Variants in GSAP observed in about 807,000 individuals in gnomAD.
GSAP encodes the protein gamma-secretase-activating protein.
A neutral mutation model predicts 131.7 loss-of-function variants in GSAP; 118 were observed. That is an observed-to-expected ratio of 0.90 (90% CI 0.77 to 1.04). The LOEUF is 1.04. GSAP is among the 50% of genes least tolerant of loss of function. The probability of loss-of-function intolerance (pLI) is 0.00; values close to 1 mark genes in which losing one functional copy is unlikely to be tolerated. For synonymous variants in GSAP, 381 were observed against 363.4 expected (o/e 1.05, Z -0.55); for missense variants, 1,019 against 1,013.2 (o/e 1.01, Z -0.08).
chr7:77,330,485 T>A, intron 19 of GSAP, 118 bp from the exon 20 acceptor site: 1 of 1,429,002 alleles, frequency 7.0e-7, no homozygotes, highest in Admixed American at 2.8e-5. Flanking sequence ...TCTGAGTGAA[T>A]ACTTTGTACA....
chr7:77,399,448 G>A (rs1563120771), intron 3 of GSAP, among the ~76,000 whole-genome samples: 1 of 152,134 alleles, frequency 6.6e-6, no homozygotes, highest in Non-Finnish European at 1.5e-5. Context: ...GAAAAGAGAA[G>A]AGTCCATGTC....
intron 12 of GSAP, among the ~76,000 whole-genome samples, chr7:77,368,248 C>T (rs1795599550): frequency 6.6e-6 from 1 of 152,128 alleles, no homozygotes; most frequent in Non-Finnish European, 1.5e-5. Flanking sequence ...CTGGATTAGT[C>T]CCAATGTGAA....
chr7:77,401,647 C>G (rs1305295251), intron 3 of GSAP, among the ~76,000 whole-genome samples: 1 of 152,114 alleles, frequency 6.6e-6, no homozygotes, highest in Non-Finnish European at 1.5e-5. Context: ...CTTAGAACAT[C>G]AGAAAGAACC....
rs1788656858 is a variant in GSAP at position 77,328,637 on chromosome 7, C to T, written c.1734G>A (p.Lys578=). 6.3e-7 allele frequency: 1 copy of T among 1,579,858 alleles called. No individual in the cohort carries two copies. Among genetic ancestry groups the T allele is most frequent in the African/African-American group, 1.3e-5 (1 of 74,106 alleles). ...YVRNILDNAV[K]VISNLEARNL... Reference sequence around the variant, plus strand: ...TTCTTGCTTCTAGGTTAGAAATCACCCTACGAAGAAATTAGCCATGTTATT... The same window carrying T: ...TTCTTGCTTCTAGGTTAGAAATCACTCTACGAAGAAATTAGCCATGTTATT... The change falls in exon 22 of 31, where the codon AAG becomes AAA. Residue 578 remains lysine (K), a splice_region_variant and synonymous_variant. Coordinates refer to ENST00000257626, the MANE Select transcript of GSAP (RefSeq NM_017439.4).
intron 19 of GSAP, among the ~76,000 whole-genome samples, chr7:77,337,290 CG>C (rs1481617028): frequency 1.7e-4 from 1 of 6,042 alleles, no homozygotes; most frequent in African/African-American, 7.6e-4. Context: ...GTAACGGGGG[CG>C]GGGGTGGGGT....
chr7:77,373,371 T>C (rs1314440311), intron 12 of GSAP, among the ~76,000 whole-genome samples: 1 of 152,234 alleles, frequency 6.6e-6, no homozygotes, highest in Non-Finnish European at 1.5e-5. Flanking sequence ...ATAATTTGGC[T>C]TTAAAGGAAT....
At chr7:77,416,060 C>CA (rs1226784330) in intron 1 of GSAP, among the ~76,000 whole-genome samples, 153 bp downstream of exon 1, 1 of 152,234 alleles carries the variant, frequency 6.6e-6, no homozygotes, top group East Asian at 1.9e-4. Flanking sequence ...GTGGCAAAGC[C>CA]AAAACAGCCC....
chr7:77,409,385 C>A (rs1242584998), intron 1 of GSAP, among the ~76,000 whole-genome samples: 2 of 152,152 alleles, frequency 1.3e-5, no homozygotes, highest in Non-Finnish European at 2.9e-5. Flanking sequence ...TCTATCTCAT[C>A]TGCATTGTAT....
chr7:77,369,112 C>G (rs2150963839), intron 12 of GSAP, among the ~76,000 whole-genome samples: 1 of 152,262 alleles, frequency 6.6e-6, no homozygotes, highest in East Asian at 1.9e-4. Flanking sequence ...TTGTGAAGAG[C>G]AACTCGTGCA....
intron 26 of GSAP, among the ~76,000 whole-genome samples, chr7:77,319,880 G>C (rs986775564): frequency 6.6e-6 from 1 of 152,208 alleles, no homozygotes. Flanking sequence ...GAACCGGGGA[G>C]TAGGGGATAA....
chr7:77,405,689 C>T (rs1464685514), intron 2 of GSAP, among the ~76,000 whole-genome samples: 3 of 152,160 alleles, frequency 2.0e-5, no homozygotes, highest in African/African-American at 7.2e-5. Flanking sequence ...AGGTGTGCGC[C>T]ACAACACCCA....
chr7:77,395,348 G>A (rs576046974), intron 5 of GSAP, among the ~76,000 whole-genome samples: 5 of 152,190 alleles, frequency 3.3e-5, no homozygotes. Context: ...CCTCTTCTTG[G>A]AGAAATGGGT....
chr7:77,328,758 A>AGCT lies in GSAP; in HGVS notation c.1734-124_1734-122dup. 3 of 658,278 alleles carry AGCT rather than the reference A, an allele frequency of 4.6e-6. No homozygotes were observed. In the South Asian group the frequency reaches 6.1e-5, roughly 13 times the overall value. The allele number at this position is 658,278 out of a possible 1,614,324, so 40.8% of individuals were successfully genotyped here. A position where few individuals can be genotyped will look rare whatever the true frequency, so the allele number is the denominator to read the frequency against. ...AAAACCACTGTAGAAACTATTCTCA[A>AGCT]GCTGCTGAAAACCTCAAAAACTTTG... On this transcript the variant is annotated intron_variant, in intron 21 of 30. Coordinates refer to ENST00000257626, the MANE Select transcript of GSAP (RefSeq NM_017439.4).
At chr7:77,347,943 G>A (rs1792151794) in intron 19 of GSAP, among the ~76,000 whole-genome samples, 3 of 150,110 alleles carry the variant, frequency 2.0e-5, no homozygotes. Context: ...CTTGAGGCCA[G>A]TAGATTGAGA....
intron 1 of GSAP, 72 bp downstream of exon 1, chr7:77,416,141 G>T: frequency 1.1e-6 from 1 of 881,152 alleles, no homozygotes; most frequent in Non-Finnish European, 1.6e-6. Flanking sequence ...CTCCCCACCG[G>T]GTCGGAGTCC....
intron 3 of GSAP, among the ~76,000 whole-genome samples, chr7:77,400,888 A>G (rs965354336): frequency 2.0e-5 from 3 of 152,188 alleles, no homozygotes; most frequent in Non-Finnish European, 4.4e-5. Flanking sequence ...AGAAATATAT[A>G]AAGAAAAATA....
intron 19 of GSAP, among the ~76,000 whole-genome samples, chr7:77,348,904 C>T (rs1440408766): frequency 2.0e-5 from 3 of 152,190 alleles, no homozygotes; most frequent in Admixed American, 2.0e-4. Context: ...AATCCTAGCC[C>T]ACATTACTTA....
chr7:77,397,311 A>T, intron 4 of GSAP, 35 bp downstream of exon 4: 1 of 1,256,824 alleles, frequency 8.0e-7, no homozygotes, highest in Non-Finnish European at 1.1e-6. Flanking sequence ...GATGTAGTTC[A>T]GTTCTTGACA....
At position 77,326,223 on chromosome 7, in the gene GSAP, G is replaced by A. The variant is rs376899506; in HGVS notation, c.1816C>T (p.Leu606Phe). The change falls in exon 23 of 31, where the codon CTC becomes TTC. Residue 606 changes from leucine (L) to phenylalanine (F), a missense_variant. Transcript: ENST00000257626. ...CACGTACCACTTACCAGCCCCATGA[G>A]CAGCCGCTGGTGGCTGTCTTCCTCC... ...LQEEDSHQRLLMGLMVSELKD... is the reference protein window; with the variant it reads ...LQEEDSHQRLFMGLMVSELKD... 6.2e-7 allele frequency: 1 copy of A among 1,612,048 alleles called. No homozygotes were observed. Among genetic ancestry groups the A allele is most frequent in the South Asian group, 1.1e-5 (1 of 90,958 alleles).
Sources: gnomAD v4.1 joint callset for allele counts (sites outside exome capture counted in the v4.1 genomes callset) on GRCh38, gnomAD v4.1.1 for gene constraint, MANE v1.5 for transcripts, NCBI Gene and HGNC (gene_info 2026-07-23, HGNC 2026-07-21) for gene names.